Variants in ZNF577 observed in about 807,000 individuals in gnomAD.
The protein encoded by ZNF577 is zinc finger protein 577.
In ZNF577, 14 loss-of-function variants were observed where a neutral mutation model predicts 13.9. The observed-to-expected ratio is 1.00, with a 90% CI of 0.66 to 1.57. ZNF577 has a LOEUF of 1.57. ZNF577 is among the 40% of genes most tolerant of loss of function. The pLI is 0.00. For missense variants in ZNF577, 555 were observed against 579.2 expected (o/e 0.96, Z 0.43); for synonymous variants, 203 against 202.9 (o/e 1.00, Z 0.00).
At chr19:51,877,434 T>C in intron 4 of ZNF577, 57 bp from the exon 5 acceptor site, 3 of 1,403,710 alleles carry the variant, frequency 2.1e-6, no homozygotes, top group Non-Finnish European at 3.0e-6. Context: ...TGGATGAAGA[T>C]GGAGAGGGTT....
chr19:51,881,208 T>A (rs933966923), intron 1 of ZNF577, among the ~76,000 whole-genome samples: 1 of 152,192 alleles, frequency 6.6e-6, no homozygotes, highest in Non-Finnish European at 1.5e-5. Flanking sequence ...CCAGACATGG[T>A]GGCATGTGCC....
rs560050285 is a variant in ZNF577 at position 51,827,997 on chromosome 19, G to A, written c.*599+11896C>T. ...AGCACTTTGCGCATTTCATTTGCAC[G>A]TTTGACTCCTATAAATGCTTTAGAG... On this transcript the variant is annotated intron_variant and NMD_transcript_variant, in intron 9 of 10. Transcript: ENST00000638827. Among the ~76,000 whole-genome samples, 227 of 152,176 alleles carry A rather than the reference G, an allele frequency of 1.5e-3. 1 individual carries two copies. The highest frequency in any genetic ancestry group is 5.3e-3 in the African/African-American group (219 of 41,514).
chr19:51,866,758 A>C (rs192550666), downstream of ZNF577, among the ~76,000 whole-genome samples: 1 of 152,206 alleles, frequency 6.6e-6, no homozygotes, highest in East Asian at 1.9e-4. Context: ...GAGATGGGCA[A>C]ATCACCTGAG....
At chr19:51,822,044 A>G (rs1191411239) in intron 9 of ZNF577, among the ~76,000 whole-genome samples, 1 of 152,186 alleles carries the variant, frequency 6.6e-6, no homozygotes, top group Non-Finnish European at 1.5e-5. Flanking sequence ...GATGTTTCTG[A>G]TACAGCCCAC....
chr19:51,869,908 C>T lies in ZNF577; in HGVS notation c.*2624G>A, dbSNP rs532566137. On this transcript the variant is annotated 3_prime_UTR_variant, in exon 6 of 6. Transcript: ENST00000638348. The stretch of plus-strand genomic sequence containing the variant: ...AAGCTCAGCAGCCCTGTTCAAAAGC[C>T]TCAGTTCCCAGAGAAGGCAAAGAGG... 1.3e-5 allele frequency among the ~76,000 whole-genome samples: 2 copies of T among 152,324 alleles called. No homozygotes were observed. Among genetic ancestry groups the T allele is most frequent in the East Asian group, 3.9e-4 (2 of 5,176 alleles).
rs1265200420 is a variant in ZNF577 at position 51,872,254 on chromosome 19, A to G, written c.*278T>C. 2 of 271,092 alleles carry G rather than the reference A, an allele frequency of 7.4e-6. No individual in the cohort carries two copies. Among genetic ancestry groups the G allele is most frequent in the African/African-American group, 4.4e-5 (2 of 45,000 alleles). 16.8% of individuals were successfully genotyped at this position (271,092 alleles called of 1,614,324 possible). A position where few individuals can be genotyped will look rare whatever the true frequency, so the allele number is the denominator to read the frequency against. On this transcript the variant is annotated 3_prime_UTR_variant, in exon 6 of 6. Coordinates refer to ENST00000638348, the MANE Select transcript of ZNF577 (RefSeq NM_001370449.1). ...TATGTTTCTTTGGCACACGAGGCACAATTTAGCGCTAAAAGCACCATCACA... is the reference window on the plus strand; with the variant it reads ...TATGTTTCTTTGGCACACGAGGCACGATTTAGCGCTAAAAGCACCATCACA...
chr19:51,835,939 T>C (rs1305606148), intron 9 of ZNF577, among the ~76,000 whole-genome samples: 3 of 152,168 alleles, frequency 2.0e-5, no homozygotes, highest in African/African-American at 7.2e-5. Context: ...GTGATCCACC[T>C]GCCTTGGCCT....
Position 51,872,700 on chromosome 19 carries a change from C to T in ZNF577, c.1290G>A (p.Glu430=). ...TCACTACATTTCTGCCCACTAGGCG[C>T]TCACTCTTGTTTAACAATGGCGGGG... ...SGTPPLLNKS[E]RLVGRNVVIV... is the part of the protein sequence containing the mutation. The change falls in exon 6 of 6, where the codon GAG becomes GAA. Residue 430 remains glutamate, a synonymous_variant. Coordinates refer to ENST00000638348, the MANE Select transcript of ZNF577 (RefSeq NM_001370449.1). The T allele has an allele frequency of 3.1e-6, 5 of 1,614,204 alleles. No individual in the cohort carries two copies. The highest frequency in any genetic ancestry group is 4.2e-6 in the Non-Finnish European group (5 of 1,180,036).
chr19:51,817,958 T>G (rs2084153131), intron 9 of ZNF577: 2 of 152,088 alleles, frequency 1.3e-5, no homozygotes, highest in South Asian at 4.2e-4. Context: ...AGCTTTTTTG[T>G]TTTGTTTTGT....
intron 9 of ZNF577, among the ~76,000 whole-genome samples, chr19:51,833,899 A>C (rs1362360519): frequency 1.3e-5 from 2 of 152,194 alleles, no homozygotes; most frequent in Non-Finnish European, 2.9e-5. Context: ...GTAATTGTAC[A>C]TGTTTAAGGG....
At chr19:51,858,424 A>G (rs2084461160) in intron 5 of ZNF577, among the ~76,000 whole-genome samples, 1 of 152,206 alleles carries the variant, frequency 6.6e-6, no homozygotes, top group South Asian at 2.1e-4. Context: ...TTGTCAGAAC[A>G]TATGACACAC....
At position 51,873,006 on chromosome 19, in the gene ZNF577, A is replaced by G. The variant is rs2084687587; in HGVS notation, c.984T>C (p.Cys328=). 1 of 1,614,180 alleles carries G rather than the reference A, an allele frequency of 6.2e-7. No homozygotes were observed. Among genetic ancestry groups the G allele is most frequent in the Non-Finnish European group, 8.5e-7 (1 of 1,180,028 alleles). Residue 328 remains cysteine, a synonymous_variant, in exon 6 of 6, where the codon TGT becomes TGC. Coordinates refer to ENST00000638348, the MANE Select transcript of ZNF577 (RefSeq NM_001370449.1). ...RIHTGEKPYE[C]SECEKAFRSK... is the part of the protein sequence containing the mutation. ...TTCTAAAGGCTTTTTCACACTCACT[A>G]CATTCATAAGGTTTCTCTCCCGTAT...
chr19:51,874,487 TA>T (rs71900163), intron 5 of ZNF577, among the ~76,000 whole-genome samples: 4,559 of 143,994 alleles, frequency 0.032, 207 homozygotes, highest in African/African-American at 0.11. Flanking sequence ...TTAGGTGTGA[TA>T]AAAAAAAAAA....
intron 8 of ZNF577, among the ~76,000 whole-genome samples, chr19:51,841,100 G>A (rs187357420): frequency 1.6e-4 from 24 of 152,316 alleles, no homozygotes; most frequent in South Asian, 1.5e-3. Flanking sequence ...ACATTCCACA[G>A]GGGGTTCGGG....
intron 5 of ZNF577, among the ~76,000 whole-genome samples, chr19:51,848,356 T>G (rs958471630): frequency 2.0e-5 from 3 of 152,178 alleles, no homozygotes; most frequent in Non-Finnish European, 4.4e-5. Flanking sequence ...ATTAGGAAGC[T>G]TGTACAGCTA....
chr19:51,874,487 T>TTAA (rs766229703), intron 5 of ZNF577, among the ~76,000 whole-genome samples: 1 of 144,192 alleles, frequency 6.9e-6, no homozygotes, highest in African/African-American at 2.5e-5. Flanking sequence ...TTAGGTGTGA[T>TTAA]AAAAAAAAAA....
intron 5 of ZNF577, among the ~76,000 whole-genome samples, chr19:51,876,858 G>A (rs1267723836): frequency 6.6e-6 from 1 of 151,648 alleles, no homozygotes; most frequent in Non-Finnish European, 1.5e-5. Flanking sequence ...AACCTGGGAG[G>A]TGGAGGTTGC....
intron 5 of ZNF577, among the ~76,000 whole-genome samples, chr19:51,851,280 T>C (rs1464499740): frequency 6.6e-6 from 1 of 152,122 alleles, no homozygotes. Flanking sequence ...CTTTTCCTAA[T>C]GGAAAAGCTG....
At chr19:51,874,950 G>T (rs1056731217) in intron 5 of ZNF577, among the ~76,000 whole-genome samples, 1 of 152,144 alleles carries the variant, frequency 6.6e-6, no homozygotes, top group Non-Finnish European at 1.5e-5. Flanking sequence ...ACCTATGTAG[G>T]TGCTGGTGCC....
Sources: gnomAD v4.1 joint callset for allele counts (sites outside exome capture counted in the v4.1 genomes callset) on GRCh38, gnomAD v4.1.1 for gene constraint, MANE v1.5 for transcripts, NCBI Gene and HGNC (gene_info 2026-07-23, HGNC 2026-07-21) for gene names.